POU2F1: variants seen among roughly 807,000 people sequenced by gnomAD.
POU2F1 encodes the protein POU domain, class 2, transcription factor 1.
A neutral mutation model predicts 84.9 loss-of-function variants in POU2F1; 16 were observed. That is an observed-to-expected ratio of 0.19 (90% CI 0.13 to 0.29). The LOEUF is 0.29. Among genes scored for constraint, POU2F1 ranks in the 10% least tolerant of loss-of-function variants. The pLI, the probability that POU2F1 is intolerant of heterozygous loss-of-function variation, is 1.00. For synonymous variants in POU2F1, 368 were observed against 368.3 expected (o/e 1.00, Z 0.01); for missense variants, 738 against 942.6 (o/e 0.78, Z 2.84).
intron 1 of POU2F1, among the ~76,000 whole-genome samples, chr1:167,310,437 C>A (rs1393638254): frequency 6.6e-6 from 1 of 151,772 alleles, no homozygotes; most frequent in African/African-American, 2.4e-5. Flanking sequence ...ATACCTAAAA[C>A]CAAATGACAC....
intron 9 of POU2F1, among the ~76,000 whole-genome samples, chr1:167,394,606 C>T (rs917286803): frequency 6.6e-6 from 1 of 152,142 alleles, no homozygotes; most frequent in East Asian, 1.9e-4. Context: ...GGCTATTGAG[C>T]ACTTGGAAGG....
At chr1:167,259,677 G>A (rs1352519050) in intron 1 of POU2F1, among the ~76,000 whole-genome samples, 1 of 152,086 alleles carries the variant, frequency 6.6e-6, no homozygotes, top group Non-Finnish European at 1.5e-5. Context: ...CACATCTTTA[G>A]CTTTATCAGA....
rs1447805654 is a variant in POU2F1 at position 167,421,896 on chromosome 1, A to G, written c.*6086A>G. On this transcript the variant is annotated 3_prime_UTR_variant, in exon 16 of 16. Coordinates refer to ENST00000367866, the MANE Select transcript of POU2F1 (RefSeq NM_002697.4). ...GGATCCTGTTTATAGGTTACAATTT[A>G]TAGGGTTAGGGAGGGTTGGGTGGGG... 1 of 137,914 alleles carries G rather than the reference A, an allele frequency of 7.3e-6. No homozygotes were observed. Among genetic ancestry groups the G allele is most frequent in the Non-Finnish European group, 1.6e-5 (1 of 63,698 alleles). 8.5% of individuals were successfully genotyped at this position (137,914 alleles called of 1,614,324 possible).
intron 1 of POU2F1, among the ~76,000 whole-genome samples, chr1:167,284,803 A>G (rs1418016200): frequency 6.6e-6 from 1 of 152,152 alleles, no homozygotes; most frequent in African/African-American, 2.4e-5. Context: ...TAGACTTTCT[A>G]CTTTTATATT....
chr1:167,263,339 A>G (rs925536820), intron 1 of POU2F1, among the ~76,000 whole-genome samples: 17 of 152,184 alleles, frequency 1.1e-4, no homozygotes, highest in African/African-American at 4.1e-4. Context: ...GACCAATATG[A>G]TGAAACCCTG....
At chr1:167,277,814 G>C (rs539485185) in intron 1 of POU2F1, among the ~76,000 whole-genome samples, 45 of 152,276 alleles carry the variant, frequency 3.0e-4, no homozygotes, top group African/African-American at 1.1e-3. Flanking sequence ...AGACTTAGGA[G>C]TAATTCCTAA....
At chr1:167,234,694 A>G (rs374041206) in intron 1 of POU2F1, among the ~76,000 whole-genome samples, 163 of 152,344 alleles carry the variant, frequency 1.1e-3, no homozygotes, top group African/African-American at 3.4e-3. Context: ...TGATTGTGCC[A>G]CTGTTCTCCA....
intron 1 of POU2F1, among the ~76,000 whole-genome samples, chr1:167,242,569 C>T (rs528294890): frequency 1.1e-4 from 16 of 152,278 alleles, no homozygotes; most frequent in Admixed American, 2.6e-4. Flanking sequence ...CAAGATTTTG[C>T]CCTAAGATAG....
intron 1 of POU2F1, among the ~76,000 whole-genome samples, chr1:167,239,079 T>G (rs1649713568): frequency 6.6e-6 from 1 of 151,140 alleles, no homozygotes; most frequent in African/African-American, 2.5e-5. Flanking sequence ...CTGACAAACT[T>G]TTTTTCCCCC....
At chr1:167,307,660 C>T (rs1655169224) in intron 1 of POU2F1, among the ~76,000 whole-genome samples, 1 of 152,048 alleles carries the variant, frequency 6.6e-6, no homozygotes, top group African/African-American at 2.4e-5. Context: ...ACTTTACTGT[C>T]CCTACAAATA....
At chr1:167,243,993 G>C (rs1343616704) in intron 1 of POU2F1, among the ~76,000 whole-genome samples, 4 of 152,108 alleles carry the variant, frequency 2.6e-5, no homozygotes, top group Non-Finnish European at 4.4e-5. Flanking sequence ...ACTGTGCTGT[G>C]TCTGCCCATA....
chr1:167,412,568 C>T (rs925133711), intron 14 of POU2F1, among the ~76,000 whole-genome samples: 10 of 152,066 alleles, frequency 6.6e-5, no homozygotes, highest in South Asian at 2.1e-4. Flanking sequence ...ACCTTAGTGA[C>T]GGGGCCAGGA....
At chr1:167,275,073 G>C (rs1234341797) in intron 1 of POU2F1, among the ~76,000 whole-genome samples, 1 of 141,078 alleles carries the variant, frequency 7.1e-6, no homozygotes, top group Non-Finnish European at 1.5e-5. Flanking sequence ...TCTCACTCCA[G>C]GTTGGAGTGC....
chr1:167,279,828 A>G (rs1366553766), intron 1 of POU2F1, among the ~76,000 whole-genome samples: 1 of 152,218 alleles, frequency 6.6e-6, no homozygotes, highest in Non-Finnish European at 1.5e-5. Flanking sequence ...TTACTTGTCT[A>G]GATTGAGAAA....
chr1:167,264,759 C>A (rs1227686560), intron 1 of POU2F1, among the ~76,000 whole-genome samples: 1 of 152,086 alleles, frequency 6.6e-6, no homozygotes, highest in African/African-American at 2.4e-5. Context: ...TTTATCATGG[C>A]CCAGGCACTC....
At chr1:167,282,434 G>T (rs753228301) in intron 1 of POU2F1, among the ~76,000 whole-genome samples, 2 of 152,132 alleles carry the variant, frequency 1.3e-5, no homozygotes, top group African/African-American at 2.4e-5. Flanking sequence ...GTGACCTACC[G>T]CGCCTGGCCA....
At position 167,264,212 on chromosome 1, in the gene POU2F1, G is replaced by GT. The variant is rs111752430; in HGVS notation, c.61+43265dup. ...TCAGGAAAGGTCTCTTTAAGGAAGT[G>GT]TTTTTTTTTTTCTTTTTTCATGCTG... On this transcript the variant is annotated intron_variant, in intron 1 of 15. Coordinates refer to ENST00000367866, the MANE Select transcript of POU2F1 (RefSeq NM_002697.4). 5.0e-3 allele frequency among the ~76,000 whole-genome samples: 738 copies of GT among 148,282 alleles called. 5 individuals carry two copies. Among genetic ancestry groups the GT allele is most frequent in the African/African-American group, 0.015 (619 of 40,308 alleles).
intron 1 of POU2F1, among the ~76,000 whole-genome samples, chr1:167,246,850 A>C (rs1171493702): frequency 6.6e-6 from 1 of 152,200 alleles, no homozygotes; most frequent in Non-Finnish European, 1.5e-5. Flanking sequence ...TATGTACTTT[A>C]TGGAAGGAGT....
chr1:167,269,547 G>A (rs181981622), intron 1 of POU2F1, among the ~76,000 whole-genome samples: 1 of 152,308 alleles, frequency 6.6e-6, no homozygotes, highest in East Asian at 1.9e-4. Flanking sequence ...GAGTGACAAA[G>A]GAGGAGAAGG....
Sources: gnomAD v4.1 joint callset for allele counts (sites outside exome capture counted in the v4.1 genomes callset) on GRCh38, gnomAD v4.1.1 for gene constraint, MANE v1.5 for transcripts, NCBI Gene and HGNC (gene_info 2026-07-23, HGNC 2026-07-21) for gene names.